The following LSAMP variants were observed in gnomAD, a reference collection of about 807,000 sequenced individuals.
LSAMP encodes the protein limbic system associated membrane protein.
In LSAMP, 7 loss-of-function variants were observed where a neutral mutation model predicts 38.6. That is an observed-to-expected ratio of 0.18 (90% confidence interval 0.10 to 0.34). The LOEUF (loss-of-function observed/expected upper bound fraction) is 0.34. LSAMP is among the 10% of genes least tolerant of loss of function. The probability of loss-of-function intolerance (pLI) is 1.00; values close to 1 mark genes in which losing one functional copy is unlikely to be tolerated. For synonymous variants in LSAMP, 154 were observed against 166.8 expected, an observed-to-expected ratio of 0.92 and a Z score of 0.59; for missense variants, 313 against 420.0, an observed-to-expected ratio of 0.75 and a Z score of 2.23.
At chr3:116,110,745 A>T (rs13087999) in intron 1 of LSAMP, among the ~76,000 whole-genome samples, 1 of 152,126 alleles carries the variant, frequency 6.6e-6, no homozygotes, top group African/African-American at 2.4e-5. Flanking sequence ...AGAGCAGGAG[A>T]ACAGGGGATT....
At chr3:116,112,736 G>T (rs1411075119) in intron 1 of LSAMP, among the ~76,000 whole-genome samples, 2 of 152,128 alleles carry the variant, frequency 1.3e-5, no homozygotes, top group Non-Finnish European at 2.9e-5. Context: ...GAACGAGTTT[G>T]GTATGAAAAT....
Position 116,215,039 on chromosome 3 carries a change from A to C in LSAMP, c.156-128483T>G, listed in dbSNP as rs537632799. Among the ~76,000 whole-genome samples, 10 of 152,374 alleles carry C rather than the reference A, an allele frequency of 6.6e-5. No individual in the cohort carries two copies. In the South Asian group the frequency reaches 1.9e-3, roughly 28 times the overall value. Reference sequence around the variant, plus strand: ...TGGGTTATCTATTAATTCAATAAACATTATTAAGAACTCAGTATGTACATA... The same window carrying C: ...TGGGTTATCTATTAATTCAATAAACCTTATTAAGAACTCAGTATGTACATA... On this transcript the variant is annotated intron_variant, in intron 1 of 6. Transcript: ENST00000490035.
chr3:116,229,969 T>G (rs1233517044), intron 1 of LSAMP, among the ~76,000 whole-genome samples: 1 of 152,122 alleles, frequency 6.6e-6, no homozygotes, highest in African/African-American at 2.4e-5. Flanking sequence ...TACAAATATT[T>G]GGGAACAAAG....
intron 1 of LSAMP, among the ~76,000 whole-genome samples, chr3:116,259,978 T>C (rs547404784): frequency 1.3e-5 from 2 of 152,254 alleles, no homozygotes; most frequent in East Asian, 3.9e-4. Context: ...AGATTCTCTT[T>C]TTCTCTTTTT....
At chr3:116,319,082 G>A (rs1473177992) in intron 1 of LSAMP, among the ~76,000 whole-genome samples, 1 of 152,112 alleles carries the variant, frequency 6.6e-6, no homozygotes, top group Non-Finnish European at 1.5e-5. Flanking sequence ...GGGGAATAAT[G>A]CAAACAGTAA....
Position 115,802,936 on chromosome 3 carries a change from C to T in LSAMP, c.*7381G>A, listed in dbSNP as rs961708946. On this transcript the variant is annotated 3_prime_UTR_variant, in exon 7 of 7. Transcript: ENST00000490035. ...ATACTTAGGGAGCAGAACTTGGCCACAGTTCACCAGGATGAACAATTTCCA... is the reference window on the plus strand; with the variant it reads ...ATACTTAGGGAGCAGAACTTGGCCATAGTTCACCAGGATGAACAATTTCCA... 1 of 152,078 alleles carries T rather than the reference C, an allele frequency of 6.6e-6. No individual in the cohort carries two copies. The highest frequency in any genetic ancestry group is 1.5e-5 in the Non-Finnish European group (1 of 68,026). 9.4% of individuals were successfully genotyped at this position (152,078 alleles called of 1,614,324 possible).
At chr3:115,849,864 T>C (rs1207321382) in intron 4 of LSAMP, among the ~76,000 whole-genome samples, 1 of 152,172 alleles carries the variant, frequency 6.6e-6, no homozygotes, top group Non-Finnish European at 1.5e-5. Flanking sequence ...ATTGATAAAA[T>C]ATGTTTCAAG....
intron 1 of LSAMP, among the ~76,000 whole-genome samples, chr3:116,323,953 C>T (rs2047738769): frequency 6.6e-6 from 1 of 152,080 alleles, no homozygotes; most frequent in Admixed American, 6.6e-5. Context: ...GATTCAATGC[C>T]TTTTGGGTTG....
chr3:116,049,582 A>T (rs1333791064), intron 2 of LSAMP, among the ~76,000 whole-genome samples: 1 of 152,180 alleles, frequency 6.6e-6, no homozygotes, highest in East Asian at 1.9e-4. Flanking sequence ...CTGACTACTC[A>T]TAAAGTTACA....
chr3:115,886,397 T>C (rs78430004), intron 3 of LSAMP, among the ~76,000 whole-genome samples: 5 of 152,120 alleles, frequency 3.3e-5, no homozygotes, highest in Admixed American at 2.0e-4. Flanking sequence ...ACCCAGTCCA[T>C]GGGTTACACT....
chr3:116,222,814 C>T (rs1425298146), intron 1 of LSAMP, among the ~76,000 whole-genome samples: 7 of 137,910 alleles, frequency 5.1e-5, no homozygotes. Context: ...CGGCTCACTG[C>T]AAGCTCTGCC....
At chr3:116,080,893 C>A (rs548670011) in intron 2 of LSAMP, among the ~76,000 whole-genome samples, 1 of 152,054 alleles carries the variant, frequency 6.6e-6, no homozygotes, top group South Asian at 2.1e-4. Context: ...ATAGGCTAAA[C>A]TTTTGAATAA....
chr3:116,226,207 C>G (rs1303767282), intron 1 of LSAMP, among the ~76,000 whole-genome samples: 2 of 152,286 alleles, frequency 1.3e-5, no homozygotes, highest in East Asian at 1.9e-4. Context: ...CTTCTCCTGA[C>G]CTTTAGGTCC....
intron 1 of LSAMP, among the ~76,000 whole-genome samples, chr3:116,123,115 A>T (rs920619846): frequency 6.6e-6 from 1 of 152,252 alleles, no homozygotes; most frequent in African/African-American, 2.4e-5. Context: ...TCATGAAAAT[A>T]TCAATAATAG....
intron 3 of LSAMP, among the ~76,000 whole-genome samples, chr3:115,979,585 G>A (rs1433666997): frequency 1.3e-5 from 2 of 152,052 alleles, no homozygotes; most frequent in Non-Finnish European, 2.9e-5. Context: ...TTAGACAGTG[G>A]CTAGTATTCA....
At chr3:115,904,374 TAAG>T (rs1374946385) in intron 3 of LSAMP, among the ~76,000 whole-genome samples, 1 of 152,092 alleles carries the variant, frequency 6.6e-6, no homozygotes, top group Non-Finnish European at 1.5e-5. Context: ...TATAGTAACT[TAAG>T]AAATTGATCT....
At chr3:116,070,464 G>A (rs1440711159) in intron 2 of LSAMP, among the ~76,000 whole-genome samples, 2 of 152,220 alleles carry the variant, frequency 1.3e-5, no homozygotes, top group Non-Finnish European at 2.9e-5. Context: ...CTGGATACCA[G>A]TAAAGTGGAC....
chr3:116,247,552 GAT>G (rs2046620443), intron 1 of LSAMP, among the ~76,000 whole-genome samples: 1 of 152,182 alleles, frequency 6.6e-6, no homozygotes, highest in East Asian at 1.9e-4. Flanking sequence ...GATTTTTAGA[GAT>G]ATTTTTGAAG....
At chr3:115,851,460 C>G (rs1935328714) in intron 4 of LSAMP, among the ~76,000 whole-genome samples, 1 of 152,148 alleles carries the variant, frequency 6.6e-6, no homozygotes, top group East Asian at 1.9e-4. Flanking sequence ...TTTTCAAACT[C>G]TAAAATGATC....
Sources: gnomAD v4.1 joint callset for allele counts (sites outside exome capture counted in the v4.1 genomes callset) on GRCh38, gnomAD v4.1.1 for gene constraint, MANE v1.5 for transcripts, NCBI Gene and HGNC (gene_info 2026-07-23, HGNC 2026-07-21) for gene names.